The following OLA1 variants were observed in gnomAD, a reference collection of about 807,000 sequenced individuals.
The protein encoded by OLA1 is obg-like ATPase 1.
OLA1 carries 14 observed loss-of-function variants against 48.4 expected under a neutral mutation model. That is an observed-to-expected ratio of 0.29 (90% CI 0.19 to 0.45). The LOEUF is 0.45. Among genes scored for constraint, OLA1 ranks in the 20% least tolerant of loss-of-function variants. OLA1 has a pLI of 1.00. For missense variants in OLA1, 325 were observed against 467.1 expected (o/e 0.70, Z 2.80); for synonymous variants, 127 against 150.4 (o/e 0.84, Z 1.14).
intron 4 of OLA1, among the ~76,000 whole-genome samples, chr2:174,219,023 C>T (rs1207083726): frequency 1.4e-5 from 2 of 139,268 alleles, no homozygotes; most frequent in African/African-American, 2.8e-5. Flanking sequence ...ATGTGGTCTC[C>T]CTGTGCTTCC....
At chr2:174,178,100 A>G (rs947575238) in intron 4 of OLA1, among the ~76,000 whole-genome samples, 5 of 152,052 alleles carry the variant, frequency 3.3e-5, no homozygotes, top group Non-Finnish European at 7.4e-5. Flanking sequence ...ACTGAACAAC[A>G]GTTAATTTAT....
intron 4 of OLA1, among the ~76,000 whole-genome samples, chr2:174,219,556 T>G (rs770713868): frequency 6.7e-6 from 1 of 149,878 alleles, no homozygotes; most frequent in Non-Finnish European, 1.5e-5. Flanking sequence ...CAGCCTCGAG[T>G]AGCTGAGACC....
intron 7 of OLA1, among the ~76,000 whole-genome samples, chr2:174,087,066 C>T (rs1009774891): frequency 3.4e-5 from 5 of 148,810 alleles, no homozygotes; most frequent in South Asian, 2.1e-4. Context: ...CTCGCTCTGT[C>T]GCCAGGCTGG....
intron 10 of OLA1, among the ~76,000 whole-genome samples, chr2:174,077,432 T>C (rs539468599): frequency 1.3e-5 from 2 of 152,244 alleles, no homozygotes; most frequent in South Asian, 4.1e-4. Flanking sequence ...TAAACATTTG[T>C]TGAATAAAGG....
chr2:174,120,939 G>A (rs1169236709), intron 7 of OLA1, among the ~76,000 whole-genome samples: 4 of 152,074 alleles, frequency 2.6e-5, no homozygotes, highest in African/African-American at 9.7e-5. Flanking sequence ...ATTTGCTATA[G>A]TAACATTACA....
intron 4 of OLA1, among the ~76,000 whole-genome samples, chr2:174,146,472 A>G (rs1686602439): frequency 6.6e-6 from 1 of 152,218 alleles, no homozygotes; most frequent in South Asian, 2.1e-4. Flanking sequence ...TACTAGGACT[A>G]TATTTTAGAG....
At position 174,074,177 on chromosome 2, in the gene OLA1, G is replaced by C. The variant is rs1345437517; in HGVS notation, c.*1249C>G. 1 of 152,190 alleles carries C rather than the reference G, an allele frequency of 6.6e-6. No individual in the cohort carries two copies. The highest frequency in any genetic ancestry group is 1.5e-5 in the Non-Finnish European group (1 of 68,048). 9.4% of individuals were successfully genotyped at this position (152,190 alleles called of 1,614,324 possible). A position where few individuals can be genotyped will look rare whatever the true frequency, so the allele number is the denominator to read the frequency against. ...TTTAAAGTCCCAAAGCGATACAGTA[G>C]AGGCAAAGGCTGGCTGGGTATGAAT... On this transcript the variant is annotated 3_prime_UTR_variant, in exon 11 of 11. Transcript: ENST00000284719.
chr2:174,221,264 T>C (rs1049911878), intron 4 of OLA1, among the ~76,000 whole-genome samples: 2 of 110,492 alleles, frequency 1.8e-5, no homozygotes, highest in South Asian at 9.0e-4. Flanking sequence ...ACCAAATTCA[T>C]TTCCCCCCCC....
intron 4 of OLA1, among the ~76,000 whole-genome samples, chr2:174,211,843 T>A (rs1212884777): frequency 1.3e-5 from 2 of 152,214 alleles, no homozygotes; most frequent in African/African-American, 4.8e-5. Context: ...TACTGACATA[T>A]TGAAATAATA....
intron 3 of OLA1, among the ~76,000 whole-genome samples, chr2:174,226,576 T>C (rs904977032): frequency 2.0e-5 from 3 of 152,122 alleles, no homozygotes; most frequent in Non-Finnish European, 4.4e-5. Context: ...CTTGGCTCAC[T>C]GCAACCTCTG....
At chr2:174,184,239 A>G (rs543670545) in intron 4 of OLA1, among the ~76,000 whole-genome samples, 1 of 152,312 alleles carries the variant, frequency 6.6e-6, no homozygotes, top group Non-Finnish European at 1.5e-5. Flanking sequence ...AAAGAACAGT[A>G]ACTTTGCAGG....
chr2:174,092,284 C>T (rs1448935417), intron 7 of OLA1, among the ~76,000 whole-genome samples: 1 of 152,096 alleles, frequency 6.6e-6, no homozygotes, highest in African/African-American at 2.4e-5. Flanking sequence ...TAGTGCTTGG[C>T]ATAAGCAGAT....
chr2:174,228,104 T>A (rs1688653404), intron 3 of OLA1, among the ~76,000 whole-genome samples: 1 of 152,238 alleles, frequency 6.6e-6, no homozygotes, highest in East Asian at 1.9e-4. Flanking sequence ...TTTGGACATA[T>A]CAAGTCTAAG....
chr2:174,129,457 CAATAAATAAATA>C lies in OLA1; in HGVS notation c.550-5794_550-5783del, dbSNP rs199979448. On this transcript the variant is annotated intron_variant, in intron 5 of 10. Transcript: ENST00000284719. ...TGGGCAACACAGCGAGACTCCGTCT[CAATAAATAAATA>C]AATAAATAAATAAATAAATAAATAA... Among the ~76,000 whole-genome samples, 132 of 140,720 alleles carry C rather than the reference CAATAAATAAATA, an allele frequency of 9.4e-4. 1 individual carries two copies. The highest frequency in any genetic ancestry group is 7.2e-3 in the Middle Eastern group (2 of 278). 92.3% of individuals were successfully genotyped at this position (140,720 alleles called of 152,430 possible).
chr2:174,180,672 C>T (rs2105413264), intron 4 of OLA1, among the ~76,000 whole-genome samples: 1 of 152,304 alleles, frequency 6.6e-6, no homozygotes, highest in South Asian at 2.1e-4. Flanking sequence ...CCCTTTTCTA[C>T]TGGCCTACTT....
At chr2:174,113,208 G>A (rs1027130216) in intron 7 of OLA1, among the ~76,000 whole-genome samples, 1 of 152,122 alleles carries the variant, frequency 6.6e-6, no homozygotes, top group Non-Finnish European at 1.5e-5. Context: ...ACCTCCCAAA[G>A]TGCTGGGATT....
intron 4 of OLA1, among the ~76,000 whole-genome samples, chr2:174,177,838 T>G (rs1188547631): frequency 1.3e-5 from 2 of 152,042 alleles, no homozygotes; most frequent in Non-Finnish European, 2.9e-5. Context: ...CTTAATAAAA[T>G]CAAATACATT....
At chr2:174,236,009 T>A (rs1181670024) in intron 2 of OLA1, among the ~76,000 whole-genome samples, 7 of 152,150 alleles carry the variant, frequency 4.6e-5, no homozygotes, top group Non-Finnish European at 8.8e-5. Flanking sequence ...CAAAATCATA[T>A]TAATCCATCA....
intron 4 of OLA1, among the ~76,000 whole-genome samples, chr2:174,173,898 T>G (rs942597188): frequency 6.6e-6 from 1 of 151,842 alleles, no homozygotes; most frequent in Non-Finnish European, 1.5e-5. Flanking sequence ...TTAAATGAAG[T>G]AATCAAAATG....
Sources: gnomAD v4.1 joint callset for allele counts (sites outside exome capture counted in the v4.1 genomes callset) on GRCh38, gnomAD v4.1.1 for gene constraint, MANE v1.5 for transcripts, NCBI Gene and HGNC (gene_info 2026-07-23, HGNC 2026-07-21) for gene names.